The following TMEM132C variants were observed in gnomAD, a reference collection of about 807,000 sequenced individuals.
TMEM132C encodes the protein transmembrane protein 132C, also known as protein phosphatase 1, regulatory subunit 152.
Under a neutral mutation model 61.4 loss-of-function variants are expected in TMEM132C, and 29 were observed. The observed-to-expected ratio is 0.47, with a 90% CI of 0.35 to 0.64. The LOEUF is 0.64. Among genes scored for constraint, TMEM132C ranks in the 30% least tolerant of loss-of-function variants. The pLI, the probability that TMEM132C is intolerant of heterozygous loss-of-function variation, is 0.00. For missense variants in TMEM132C, 1,408 were observed against 1,476.9 expected (o/e 0.95, Z 0.76); for synonymous variants, 656 against 633.1 (o/e 1.04, Z -0.54).
chr12:128,620,872 TAAAGTGGCA>T (rs1332284067), intron 4 of TMEM132C, among the ~76,000 whole-genome samples: 1 of 151,980 alleles, frequency 6.6e-6, no homozygotes, highest in African/African-American at 2.4e-5. Flanking sequence ...AAATTAAAAA[TAAAGTGGCA>T]ATCAGTAGGG....
chr12:128,514,180 A>G (rs1454328455), intron 2 of TMEM132C, among the ~76,000 whole-genome samples: 1 of 152,246 alleles, frequency 6.6e-6, no homozygotes, highest in Non-Finnish European at 1.5e-5. Context: ...GCACCCCTGA[A>G]GCCCAAACAC....
intron 1 of TMEM132C, among the ~76,000 whole-genome samples, chr12:128,377,538 C>T (rs940724575): frequency 2.0e-5 from 3 of 152,036 alleles, no homozygotes; most frequent in African/African-American, 7.2e-5. Flanking sequence ...GTCAGACTAG[C>T]ATGGAATGAA....
intron 4 of TMEM132C, among the ~76,000 whole-genome samples, chr12:128,638,534 C>T (rs74510494): frequency 0.059 from 9,015 of 152,184 alleles, 348 homozygotes; most frequent in Non-Finnish European, 0.086. Context: ...TCTGTTTCAG[C>T]GGTGTCTGAA....
At chr12:128,347,836 A>G (rs942698355) in intron 1 of TMEM132C, among the ~76,000 whole-genome samples, 1 of 152,214 alleles carries the variant, frequency 6.6e-6, no homozygotes, top group South Asian at 2.1e-4. Context: ...AGGAATCCTC[A>G]TACTGTTTTC....
intron 4 of TMEM132C, among the ~76,000 whole-genome samples, chr12:128,629,377 G>A (rs757703853): frequency 1.4e-4 from 21 of 152,030 alleles, no homozygotes; most frequent in African/African-American, 2.9e-4. Context: ...AAAATGAGGC[G>A]GGAGGATTGC....
chr12:128,276,773 G>A (rs879531707), intron 1 of TMEM132C, among the ~76,000 whole-genome samples: 5 of 152,148 alleles, frequency 3.3e-5, no homozygotes, highest in African/African-American at 4.8e-5. Flanking sequence ...ACTTTGGCAC[G>A]CGGTATTCTA....
intron 4 of TMEM132C, among the ~76,000 whole-genome samples, chr12:128,627,273 T>C (rs1206576338): frequency 6.6e-6 from 1 of 152,244 alleles, no homozygotes; most frequent in Non-Finnish European, 1.5e-5. Flanking sequence ...TTCATTTGTT[T>C]GTATGTTTAC....
At chr12:128,641,648 C>T (rs1171741541) in intron 4 of TMEM132C, among the ~76,000 whole-genome samples, 1 of 152,162 alleles carries the variant, frequency 6.6e-6, no homozygotes, top group Non-Finnish European at 1.5e-5. Context: ...GTGAGCGTGA[C>T]CCCACCAACA....
intron 3 of TMEM132C, among the ~76,000 whole-genome samples, chr12:128,602,855 A>T (rs918974099): frequency 1.3e-5 from 2 of 152,232 alleles, no homozygotes; most frequent in African/African-American, 4.8e-5. Context: ...CCTCTGCCAC[A>T]TGCTGCCAGC....
At chr12:128,498,923 G>C (rs1213146634) in intron 2 of TMEM132C, among the ~76,000 whole-genome samples, 1 of 152,018 alleles carries the variant, frequency 6.6e-6, no homozygotes, top group Admixed American at 6.6e-5. Context: ...GGCAAACTTA[G>C]ACTTAATATT....
At chr12:128,527,264 G>T (rs372349951) in intron 2 of TMEM132C, among the ~76,000 whole-genome samples, 3 of 152,216 alleles carry the variant, frequency 2.0e-5, no homozygotes, top group African/African-American at 7.2e-5. Flanking sequence ...GGTCAAGAAA[G>T]TGGCCAGGAT....
At chr12:128,311,863 T>A (rs1484144601) in intron 1 of TMEM132C, among the ~76,000 whole-genome samples, 2 of 152,218 alleles carry the variant, frequency 1.3e-5, no homozygotes, top group Non-Finnish European at 2.9e-5. Context: ...GCAGTGTTTT[T>A]CCAGGCCGCC....
chr12:128,337,794 C>A (rs899376858), intron 1 of TMEM132C, among the ~76,000 whole-genome samples: 1 of 152,216 alleles, frequency 6.6e-6, no homozygotes, highest in Non-Finnish European at 1.5e-5. Context: ...CTCTGTCAGA[C>A]CTTTTTATCC....
intron 2 of TMEM132C, among the ~76,000 whole-genome samples, chr12:128,433,683 G>A (rs1265049018): frequency 6.6e-6 from 1 of 152,180 alleles, no homozygotes; most frequent in Non-Finnish European, 1.5e-5. Flanking sequence ...AGGCTCTGAG[G>A]ATCTGAGAAA....
At chr12:128,512,665 A>G (rs1368805589) in intron 2 of TMEM132C, among the ~76,000 whole-genome samples, 1 of 152,228 alleles carries the variant, frequency 6.6e-6, no homozygotes, top group Non-Finnish European at 1.5e-5. Flanking sequence ...AAGTAGGCAG[A>G]GGAGAGCTGC....
intron 2 of TMEM132C, among the ~76,000 whole-genome samples, chr12:128,435,003 C>A (rs1869532179): frequency 6.6e-6 from 1 of 152,136 alleles, no homozygotes; most frequent in South Asian, 2.1e-4. Flanking sequence ...GAAGTCCTAA[C>A]CTCCAGCCCC....
intron 4 of TMEM132C, among the ~76,000 whole-genome samples, chr12:128,642,518 A>T (rs1954165439): frequency 6.6e-6 from 1 of 152,122 alleles, no homozygotes; most frequent in African/African-American, 2.4e-5. Context: ...GAATGTCTTG[A>T]TATCCTTCTG....
chr12:128,326,120 T>C lies in TMEM132C; in HGVS notation c.85+58633T>C, dbSNP rs1872507195. ...TGTTTCTTCAAAGATAAATATCACT[T>C]CTGTCAGGTGAATAAATACCATTTG... is the stretch of plus-strand genomic sequence containing the variant. On this transcript the variant is annotated intron_variant, in intron 1 of 8. Transcript: ENST00000435159. This position sits in a 1 kb window ranked among gnomAD's most constrained non-coding sequence, Gnocchi z 5.6. Among the ~76,000 whole-genome samples, 1 of 152,132 alleles carries C rather than the reference T, an allele frequency of 6.6e-6. No homozygotes were observed. Among genetic ancestry groups the C allele is most frequent in the South Asian group, 2.1e-4 (1 of 4,822 alleles).
At position 128,414,864 on chromosome 12, in the gene TMEM132C, G is replaced by T. The variant is rs545431831; in HGVS notation, c.218G>T (p.Arg73Leu). 6.4e-7 allele frequency: 1 copy of T among 1,551,010 alleles called. No homozygotes were observed. The highest frequency in any genetic ancestry group is 8.7e-7 in the Non-Finnish European group (1 of 1,147,118). Residue 73 changes from arginine (R) to leucine (L), a missense_variant, in exon 2 of 9, where the codon CGG becomes CTG. Arg to Leu is a moderately radical substitution (Grantham distance 102). Transcript: ENST00000435159. Reference sequence around the variant, plus strand: ...AAGGAAGCCAACCAGGACCTGCTGCGGAACTCCAGCCTGCAGGCGAGGGTG... The same window carrying T: ...AAGGAAGCCAACCAGGACCTGCTGCTGAACTCCAGCCTGCAGGCGAGGGTG... ...FLKEANQDLL[R>L]NSSLQARVES...
Sources: allele counts gnomAD v4.1 joint callset (sites outside exome capture counted in the v4.1 genomes callset), GRCh38; gene constraint gnomAD v4.1.1; non-coding constraint Gnocchi (gnomAD v3.1); transcripts MANE v1.5; gene names NCBI Gene and HGNC (gene_info 2026-07-23, HGNC 2026-07-21).